ATRNL1: variants seen among roughly 807,000 people sequenced by gnomAD.
The protein encoded by ATRNL1 is attractin-like protein 1.
Under a neutral mutation model 182.7 loss-of-function variants are expected in ATRNL1, and 95 were observed. The ratio of observed to expected loss-of-function variants is 0.52; its 90% CI spans 0.44 to 0.62. The LOEUF (loss-of-function observed/expected upper bound fraction) is 0.62, where lower values mean the gene tolerates loss of function less well. ATRNL1 is among the 20% of genes least tolerant of loss of function. The probability of loss-of-function intolerance (pLI) is 0.00; values close to 1 mark genes in which losing one functional copy is unlikely to be tolerated. For synonymous variants in ATRNL1, 576 were observed against 568.3 expected, an observed-to-expected ratio of 1.01 and a Z score of -0.19; for missense variants, 1,471 against 1,679.5, an observed-to-expected ratio of 0.88 and a Z score of 2.17.
intron 6 of ATRNL1, among the ~76,000 whole-genome samples, chr10:115,164,144 A>G (rs1007064324): frequency 1.3e-5 from 2 of 152,184 alleles, no homozygotes; most frequent in African/African-American, 4.8e-5. Context: ...AGCATAGAGT[A>G]TAAGCATTTG....
At chr10:115,182,039 T>C (rs895171098) in intron 8 of ATRNL1, among the ~76,000 whole-genome samples, 1 of 151,626 alleles carries the variant, frequency 6.6e-6, no homozygotes, top group Non-Finnish European at 1.5e-5. Context: ...CCTAAATGAA[T>C]TTTTTCAAAC....
chr10:115,160,848 G>C (rs1225293962), intron 6 of ATRNL1, among the ~76,000 whole-genome samples: 2 of 151,862 alleles, frequency 1.3e-5, no homozygotes, highest in Admixed American at 6.6e-5. Flanking sequence ...GCTTCCAGGG[G>C]TAGTGTTCAT....
intron 27 of ATRNL1, among the ~76,000 whole-genome samples, chr10:115,797,949 G>A (rs1394594589): frequency 2.0e-5 from 3 of 151,818 alleles, no homozygotes; most frequent in Admixed American, 6.6e-5. Context: ...ACGGAGTCTC[G>A]CTCTGTTGCC....
chr10:115,355,939 AAG>A (rs1260183434), intron 19 of ATRNL1, among the ~76,000 whole-genome samples: 4 of 151,956 alleles, frequency 2.6e-5, no homozygotes, highest in Non-Finnish European at 4.4e-5. Flanking sequence ...TTGGGGAAAA[AAG>A]AGTTCTTTCA....
intron 5 of ATRNL1, among the ~76,000 whole-genome samples, chr10:115,148,214 G>A (rs543302028): frequency 1.3e-5 from 2 of 152,076 alleles, no homozygotes; most frequent in Non-Finnish European, 2.9e-5. Context: ...TGTAGCTATT[G>A]TATTGCCTTC....
chr10:115,387,088 TA>T (rs35800810), intron 19 of ATRNL1, among the ~76,000 whole-genome samples: 39,713 of 151,614 alleles, frequency 0.26, 5,682 homozygotes, highest in Non-Finnish European at 0.34. Context: ...TATGAAGCCA[TA>T]AAAAATGATG....
At chr10:115,172,037 A>C (rs533411309) in intron 8 of ATRNL1, among the ~76,000 whole-genome samples, 2 of 152,038 alleles carry the variant, frequency 1.3e-5, no homozygotes, top group African/African-American at 2.4e-5. Flanking sequence ...ACAACTATAT[A>C]TACAACTATT....
chr10:115,270,131 G>A (rs970607263), intron 13 of ATRNL1, among the ~76,000 whole-genome samples: 3 of 150,246 alleles, frequency 2.0e-5, no homozygotes, highest in African/African-American at 4.9e-5. Flanking sequence ...AGTAGAAGTC[G>A]GAGTTAAATA....
intron 28 of ATRNL1, among the ~76,000 whole-genome samples, chr10:115,930,582 CA>C (rs1223048137): frequency 1.2e-4 from 19 of 152,130 alleles, no homozygotes; most frequent in African/African-American, 4.6e-4. Context: ...TCAACTGGGT[CA>C]ATTTTGGTCA....
chr10:115,098,456 T>C (rs1554863727), intron 1 of ATRNL1, among the ~76,000 whole-genome samples: 1 of 66,970 alleles, frequency 1.5e-5, no homozygotes, highest in Non-Finnish European at 3.5e-5. Flanking sequence ...CTAGTTTCTT[T>C]TTTTTTTTTT....
intron 24 of ATRNL1, among the ~76,000 whole-genome samples, chr10:115,513,387 C>T (rs1392872980): frequency 6.6e-6 from 1 of 151,910 alleles, no homozygotes; most frequent in Admixed American, 6.6e-5. Flanking sequence ...TTTTCATGTT[C>T]TTTTTTCTCA....
At chr10:115,710,472 A>G (rs1485939204) in intron 26 of ATRNL1, among the ~76,000 whole-genome samples, 3 of 152,158 alleles carry the variant, frequency 2.0e-5, no homozygotes, top group African/African-American at 7.2e-5. Context: ...CAAAATTGGC[A>G]CTGAATCAAG....
At chr10:115,856,462 T>C (rs1951190582) in intron 28 of ATRNL1, among the ~76,000 whole-genome samples, 2 of 61,018 alleles carry the variant, frequency 3.3e-5, no homozygotes, top group Non-Finnish European at 8.1e-5. Context: ...CCATACATAC[T>C]GTTCGTTGTG....
At chr10:115,765,492 C>A (rs1555074800) in intron 27 of ATRNL1, among the ~76,000 whole-genome samples, 1 of 152,048 alleles carries the variant, frequency 6.6e-6, no homozygotes, top group South Asian at 2.1e-4. Flanking sequence ...GTCTTTCATC[C>A]ATTGTTATTG....
At chr10:115,603,761 G>C (rs929767193) in intron 26 of ATRNL1, among the ~76,000 whole-genome samples, 16 of 152,034 alleles carry the variant, frequency 1.1e-4, no homozygotes, top group Non-Finnish European at 2.1e-4. Context: ...CCATTGCTTT[G>C]TCTAGATTTA....
chr10:115,919,798 G>A (rs1246873288), intron 28 of ATRNL1, among the ~76,000 whole-genome samples: 1 of 152,090 alleles, frequency 6.6e-6, no homozygotes, highest in Admixed American at 6.5e-5. Context: ...ACTGGTGAGG[G>A]CCTTCTTGCT....
chr10:115,165,677 A>G, intron 7 of ATRNL1, 32 bp downstream of exon 7: 1 of 1,365,162 alleles, frequency 7.3e-7, no homozygotes, highest in Non-Finnish European at 9.9e-7. Context: ...TTTTAATCAG[A>G]TTTTGTTTTT....
At chr10:115,107,294 T>G (rs1249145247) in intron 1 of ATRNL1, among the ~76,000 whole-genome samples, 1 of 152,108 alleles carries the variant, frequency 6.6e-6, no homozygotes, top group African/African-American at 2.4e-5. Flanking sequence ...AGTGCAATGG[T>G]GAGACAGGTA....
chr10:115,212,592 C>T (rs1319249900), intron 8 of ATRNL1, among the ~76,000 whole-genome samples: 1 of 151,906 alleles, frequency 6.6e-6, no homozygotes, highest in Non-Finnish European at 1.5e-5. Context: ...AGCAAAGAAT[C>T]AATCTAAATG....
Sources: gnomAD v4.1 joint callset for allele counts (sites outside exome capture counted in the v4.1 genomes callset) on GRCh38, gnomAD v4.1.1 for gene constraint, MANE v1.5 for transcripts, NCBI Gene and HGNC (gene_info 2026-07-23, HGNC 2026-07-21) for gene names.